DNAH7: variants seen among roughly 807,000 people sequenced by gnomAD.
DNAH7 encodes dynein axonemal heavy chain 7, also known as axonemal beta dynein heavy chain 7.
In DNAH7, 397 loss-of-function variants were observed where a neutral mutation model predicts 444.6. That is an observed-to-expected ratio of 0.89 (90% CI 0.82 to 0.97). The LOEUF (loss-of-function observed/expected upper bound fraction) is 0.97. Among genes scored for constraint, DNAH7 ranks in the 50% least tolerant of loss-of-function variants. The pLI is 0.00. For missense variants in DNAH7, 4,902 were observed against 4,800.8 expected (o/e 1.02, Z -0.62); for synonymous variants, 1,636 against 1,624.4 (o/e 1.01, Z -0.17).
At chr2:195,949,901 C>T (rs991609254) in intron 19 of DNAH7, among the ~76,000 whole-genome samples, 1 of 152,110 alleles carries the variant, frequency 6.6e-6, no homozygotes, top group Non-Finnish European at 1.5e-5. Context: ...TGATGGATTA[C>T]GTTTACTGAT....
At chr2:195,746,243 G>C (rs889403635) in intron 63 of DNAH7, among the ~76,000 whole-genome samples, 2 of 151,938 alleles carry the variant, frequency 1.3e-5, no homozygotes, top group African/African-American at 4.8e-5. Context: ...GATCAAAAGA[G>C]ACAAAGAAGG....
chr2:195,796,136 G>A lies in DNAH7; in HGVS notation c.10515+440C>T, dbSNP rs749846056. 2.4e-4 allele frequency among the ~76,000 whole-genome samples: 37 copies of A among 152,222 alleles called. 1 individual carries two copies. Among genetic ancestry groups the A allele is most frequent in the South Asian group, 2.1e-4 (1 of 4,836 alleles). On this transcript the variant is annotated intron_variant, in intron 56 of 64. Coordinates refer to ENST00000312428, the MANE Select transcript of DNAH7 (RefSeq NM_018897.3). ...GGTTTCAGATTTCTCTACTGTGGCA[G>A]GGTAACTGGCCAAGTGGGAGAGAAG...
At chr2:195,869,049 C>T (rs1432347136) in intron 40 of DNAH7, among the ~76,000 whole-genome samples, 3 of 151,824 alleles carry the variant, frequency 2.0e-5, no homozygotes, top group Non-Finnish European at 2.9e-5. Flanking sequence ...GTCCTTGTTA[C>T]ACAGCCATGA....
chr2:196,065,877 C>T (rs1259626953), intron 1 of DNAH7, among the ~76,000 whole-genome samples: 1 of 152,202 alleles, frequency 6.6e-6, no homozygotes, highest in Non-Finnish European at 1.5e-5. Context: ...ACCTTTCATG[C>T]TTCCAAAGGA....
chr2:196,048,222 C>G, intron 4 of DNAH7, 74 bp downstream of exon 4: 1 of 1,338,158 alleles, frequency 7.5e-7, no homozygotes, highest in Non-Finnish European at 1.0e-6. Context: ...TTCTATTACA[C>G]TATTAACTAA....
Position 195,923,727 on chromosome 2 carries a change from C to T in DNAH7, c.3693G>A (p.Gln1231=). 1 of 1,614,136 alleles carries T rather than the reference C, an allele frequency of 6.2e-7. No homozygotes were observed. ...VTLVRGKLSM[Q]NRVTLGALVV... Reference sequence around the variant, plus strand: ...CAAGTGCTCCCAGAGTTACGCGATTCTGCATGGACAATTTGCCACGCACCA... The same window carrying T: ...CAAGTGCTCCCAGAGTTACGCGATTTTGCATGGACAATTTGCCACGCACCA... The change falls in exon 23 of 65, where the codon CAG becomes CAA. Residue 1231 remains glutamine (Q), a synonymous_variant. Coordinates refer to ENST00000312428, the MANE Select transcript of DNAH7 (RefSeq NM_018897.3).
intron 61 of DNAH7, among the ~76,000 whole-genome samples, chr2:195,767,252 A>T (rs1202277118): frequency 6.6e-6 from 1 of 152,080 alleles, no homozygotes; most frequent in African/African-American, 2.4e-5. Context: ...TGCTTTTGTT[A>T]TTCATTACTA....
At chr2:195,856,662 G>A (rs1469724366) in intron 44 of DNAH7, among the ~76,000 whole-genome samples, 1 of 152,060 alleles carries the variant, frequency 6.6e-6, no homozygotes, top group African/African-American at 2.4e-5. Context: ...GATATAACTA[G>A]TTCTCATATA....
intron 64 of DNAH7, among the ~76,000 whole-genome samples, chr2:195,738,579 A>AGAT (rs1434139451): frequency 6.6e-6 from 1 of 152,172 alleles, no homozygotes; most frequent in Non-Finnish European, 1.5e-5. Flanking sequence ...ATTATAAAGG[A>AGAT]GATAGATACT....
chr2:195,894,672 G>A (rs1410114176), intron 30 of DNAH7: 2 of 199,400 alleles, frequency 1.0e-5, no homozygotes, highest in African/African-American at 4.7e-5. Flanking sequence ...AGACTCCTCT[G>A]AAAGTATTGC....
chr2:195,961,042 A>C, intron 17 of DNAH7, 97 bp from the exon 18 acceptor site: 1 of 1,001,886 alleles, frequency 1.0e-6, no homozygotes, highest in Non-Finnish European at 1.3e-6. Context: ...TGAGCCAAAA[A>C]AACCTTACTA....
chr2:195,970,164 T>C (rs1339149960), intron 16 of DNAH7, 70 bp from the exon 17 acceptor site: 14 of 1,394,620 alleles, frequency 1.0e-5, no homozygotes, highest in Non-Finnish European at 1.3e-5. Context: ...ATTTTAACAT[T>C]GTAGGAGTTA....
chr2:195,853,893 A>G (rs1168847445), intron 45 of DNAH7, among the ~76,000 whole-genome samples: 1 of 152,232 alleles, frequency 6.6e-6, no homozygotes. Context: ...TAAATATTCT[A>G]CAAACATTTT....
chr2:195,954,008 A>G (rs1690450546), intron 19 of DNAH7, among the ~76,000 whole-genome samples: 1 of 152,202 alleles, frequency 6.6e-6, no homozygotes, highest in African/African-American at 2.4e-5. Context: ...CAGATGAGAA[A>G]GACAATCGAG....
At chr2:195,746,466 G>A (rs1169704711) in intron 63 of DNAH7, among the ~76,000 whole-genome samples, 1 of 152,162 alleles carries the variant, frequency 6.6e-6, no homozygotes, top group Non-Finnish European at 1.5e-5. Flanking sequence ...GGATATCCAG[G>A]AATTGAACTC....
intron 19 of DNAH7, among the ~76,000 whole-genome samples, chr2:195,948,475 G>A (rs561562858): frequency 6.6e-6 from 1 of 152,174 alleles, no homozygotes; most frequent in Non-Finnish European, 1.5e-5. Context: ...TGTATAAGGT[G>A]TAAGGAAGGG....
intron 17 of DNAH7, among the ~76,000 whole-genome samples, chr2:195,968,808 G>A (rs1436001846): frequency 6.6e-6 from 1 of 152,184 alleles, no homozygotes; most frequent in Non-Finnish European, 1.5e-5. Flanking sequence ...CTGACCACTG[G>A]GATGGGTGCT....
intron 62 of DNAH7, among the ~76,000 whole-genome samples, chr2:195,755,262 A>G (rs534229951): frequency 6.6e-6 from 1 of 152,326 alleles, no homozygotes; most frequent in South Asian, 2.1e-4. Context: ...ACACAGTAAA[A>G]TTCAACATAT....
intron 14 of DNAH7, among the ~76,000 whole-genome samples, chr2:195,986,538 G>T (rs991997781): frequency 6.6e-6 from 1 of 152,134 alleles, no homozygotes; most frequent in Admixed American, 6.5e-5. Flanking sequence ...TTGTCTTAAA[G>T]AAACAGGTAT....
Sources: allele counts gnomAD v4.1 joint callset (sites outside exome capture counted in the v4.1 genomes callset), GRCh38; gene constraint gnomAD v4.1.1; transcripts MANE v1.5; gene names NCBI Gene and HGNC (gene_info 2026-07-23, HGNC 2026-07-21).